MAGI2: variants seen among roughly 807,000 people sequenced by gnomAD.
The protein encoded by MAGI2 is membrane associated guanylate kinase, WW and PDZ domain containing 2.
Under a neutral mutation model 133.3 loss-of-function variants are expected in MAGI2, and 35 were observed. That is an observed-to-expected ratio of 0.26 (90% CI 0.20 to 0.35). MAGI2 has a LOEUF of 0.35. MAGI2 is among the 10% of genes least tolerant of loss of function. The pLI is 1.00. For synonymous variants in MAGI2, 729 were observed against 710.6 expected (o/e 1.03, Z -0.41); for missense variants, 1,636 against 1,863.4 (o/e 0.88, Z 2.25).
At chr7:78,542,005 G>A (rs1246719277) in intron 3 of MAGI2, among the ~76,000 whole-genome samples, 1 of 152,174 alleles carries the variant, frequency 6.6e-6, no homozygotes, top group Non-Finnish European at 1.5e-5. Flanking sequence ...TACAGTCTGG[G>A]TCATTGCTAC....
chr7:79,352,363 T>C (rs1261720286), intron 1 of MAGI2, among the ~76,000 whole-genome samples: 1 of 152,212 alleles, frequency 6.6e-6, no homozygotes, highest in Admixed American at 6.5e-5. Context: ...GAAAACATTC[T>C]CTCTATTGGT....
intron 6 of MAGI2, among the ~76,000 whole-genome samples, chr7:78,426,749 A>G (rs1187924123): frequency 6.6e-6 from 1 of 152,200 alleles, no homozygotes; most frequent in East Asian, 1.9e-4. Flanking sequence ...AATTTGGTGA[A>G]AAACATACTT....
intron 2 of MAGI2, among the ~76,000 whole-genome samples, chr7:78,757,428 T>C (rs1189785294): frequency 6.6e-6 from 1 of 152,154 alleles, no homozygotes; most frequent in Non-Finnish European, 1.5e-5. Context: ...CTCTTGGCCC[T>C]CTTTCCTCTC....
chr7:78,475,365 T>A (rs759998492), intron 6 of MAGI2, among the ~76,000 whole-genome samples: 2 of 152,074 alleles, frequency 1.3e-5, no homozygotes. Context: ...TAAACTATTG[T>A]GAGCAGTGAA....
intron 3 of MAGI2, among the ~76,000 whole-genome samples, chr7:78,589,201 T>TCATCAC (rs1432527692): frequency 6.6e-6 from 1 of 152,340 alleles, no homozygotes; most frequent in South Asian, 2.1e-4. Flanking sequence ...ATCATCATCA[T>TCATCAC]CATCACCATC....
intron 21 of MAGI2, among the ~76,000 whole-genome samples, chr7:78,076,617 C>T (rs1374789025): frequency 6.6e-6 from 1 of 151,018 alleles, no homozygotes; most frequent in Non-Finnish European, 1.5e-5. Context: ...GAGGCCGAGG[C>T]GGGTGGATCA....
At chr7:78,780,817 C>T (rs995558124) in intron 2 of MAGI2, among the ~76,000 whole-genome samples, 1 of 152,280 alleles carries the variant, frequency 6.6e-6, no homozygotes, top group Non-Finnish European at 1.5e-5. Context: ...TTTCCTATGG[C>T]CCGGCCTTTC....
chr7:78,133,148 CTG>C, intron 17 of MAGI2, 88 bp from the exon 18 acceptor site: 1 of 1,038,708 alleles, frequency 9.6e-7, no homozygotes, highest in Admixed American at 2.6e-5. Flanking sequence ...TTTGCCTCTG[CTG>C]ATGGCTCAGG....
At chr7:79,412,678 G>A (rs548930582) in intron 1 of MAGI2, 4 of 152,218 alleles carry the variant, frequency 2.6e-5, no homozygotes, top group Non-Finnish European at 4.4e-5. Flanking sequence ...CAAGAGATAC[G>A]GTACTGGTTT....
intron 1 of MAGI2, among the ~76,000 whole-genome samples, chr7:79,443,396 C>T (rs982877539): frequency 1.3e-5 from 2 of 150,344 alleles, no homozygotes; most frequent in African/African-American, 2.5e-5. Flanking sequence ...AAAAGCAAAG[C>T]GAGACTCCTT....
chr7:78,206,380 C>T (rs1318145781), intron 10 of MAGI2, among the ~76,000 whole-genome samples: 5 of 151,548 alleles, frequency 3.3e-5, no homozygotes, highest in Non-Finnish European at 7.4e-5. Flanking sequence ...CAACCTCCGC[C>T]TCCCGGGTTC....
intron 2 of MAGI2, chr7:79,006,829 T>C: frequency 3.0e-6 from 1 of 336,060 alleles, no homozygotes. Flanking sequence ...GAATCAATAT[T>C]TCTCAATACT....
chr7:79,397,766 C>T (rs1297821826), intron 1 of MAGI2, among the ~76,000 whole-genome samples: 1 of 152,204 alleles, frequency 6.6e-6, no homozygotes, highest in South Asian at 2.1e-4. Flanking sequence ...TCTGCCTCCC[C>T]CTCCAACCTT....
chr7:78,687,639 G>A (rs1816473792), intron 2 of MAGI2, among the ~76,000 whole-genome samples: 1 of 151,994 alleles, frequency 6.6e-6, no homozygotes, highest in African/African-American at 2.4e-5. Context: ...AATTTTTCTG[G>A]ATAACTGAAG....
chr7:78,525,195 A>T (rs971851888), intron 3 of MAGI2, among the ~76,000 whole-genome samples: 4 of 152,212 alleles, frequency 2.6e-5, no homozygotes, highest in Non-Finnish European at 1.5e-5. Context: ...ATGAATCATT[A>T]GTTAAGACAT....
At chr7:78,562,104 G>T (rs1800468393) in intron 3 of MAGI2, among the ~76,000 whole-genome samples, 1 of 152,100 alleles carries the variant, frequency 6.6e-6, no homozygotes, top group African/African-American at 2.4e-5. Flanking sequence ...AGACCCAGTT[G>T]GGATGTGGCA....
At chr7:78,300,877 C>T (rs1290478063) in intron 9 of MAGI2, among the ~76,000 whole-genome samples, 1 of 152,160 alleles carries the variant, frequency 6.6e-6, no homozygotes, top group East Asian at 1.9e-4. Context: ...TTGAAATAGG[C>T]TTTCACCTGA....
At chr7:79,009,455 T>C (rs915558608) in intron 1 of MAGI2, among the ~76,000 whole-genome samples, 5 of 152,164 alleles carry the variant, frequency 3.3e-5, no homozygotes, top group African/African-American at 1.2e-4. Flanking sequence ...GATTTCTCTT[T>C]CCTCCTATTT....
chr7:79,034,259 A>T (rs10241786), intron 1 of MAGI2, among the ~76,000 whole-genome samples: 17,908 of 151,782 alleles, frequency 0.12, 1,497 homozygotes, highest in African/African-American at 0.24. Context: ...TTCCTTGTTT[A>T]TTCTGCTTAA....
Sources: gnomAD v4.1 joint callset for allele counts (sites outside exome capture counted in the v4.1 genomes callset) on GRCh38, gnomAD v4.1.1 for gene constraint, MANE v1.5 for transcripts, NCBI Gene and HGNC (gene_info 2026-07-23, HGNC 2026-07-21) for gene names.